ZNF500: variants seen among roughly 807,000 people sequenced by gnomAD.
The protein encoded by ZNF500 is zinc finger protein 500.
ZNF500 carries 31 observed loss-of-function variants against 30.1 expected under a neutral mutation model. The ratio of observed to expected loss-of-function variants is 1.03; its 90% CI spans 0.77 to 1.39. The LOEUF (loss-of-function observed/expected upper bound fraction) is 1.39. Among genes scored for constraint, ZNF500 ranks in the 40% most tolerant of loss-of-function variants. The pLI is 0.00. For missense variants in ZNF500, 817 were observed against 657.8 expected, an observed-to-expected ratio of 1.24 and a Z score of -2.65; for synonymous variants, 392 against 282.0, an observed-to-expected ratio of 1.39 and a Z score of -3.91.
Position 4,752,423 on chromosome 16 carries a change from G to A in ZNF500, c.1396C>T (p.Pro466Ser). ...QRTHMGAGSL[P>S]TLQPVAPGGP... ...CCAGGAGCCACCGGCTGGAGCGTCG[G>A]CAAGGAGCCTGCCCCCATGTGGGTC... The change falls in exon 6 of 6, where the codon CCG (proline) becomes TCG (serine). Residue 466 changes from proline to serine, a missense_variant. Coordinates refer to ENST00000219478, the MANE Select transcript of ZNF500 (RefSeq NM_021646.4). 1 of 1,530,466 alleles carries A rather than the reference G, an allele frequency of 6.5e-7. No individual in the cohort carries two copies. The allele number at this position is 1,530,466 out of a possible 1,614,324, so 94.8% of individuals were successfully genotyped here. A position where few individuals can be genotyped will look rare whatever the true frequency, so the allele number is the denominator to read the frequency against.
chr16:4,755,241 C>T (rs1166917002), intron 5 of ZNF500, among the ~76,000 whole-genome samples: 1 of 152,232 alleles, frequency 6.6e-6, no homozygotes. Flanking sequence ...GTGATCCTCC[C>T]ACCTCAGCCT....
intron 2 of ZNF500, among the ~76,000 whole-genome samples, chr16:4,764,642 C>T (rs554472809): frequency 7.9e-5 from 12 of 151,812 alleles, no homozygotes; most frequent in East Asian, 7.7e-4. Context: ...ATTAGCCGGG[C>T]GTGGTGGTGG....
At chr16:4,746,194 T>C (rs908800875), downstream of ZNF500, 38 of 594,474 alleles carry the variant, frequency 6.4e-5, no homozygotes, top group Non-Finnish European at 1.0e-4. Context: ...TGGCCAGTGG[T>C]GGCCTAAATC....
intron 2 of ZNF500, among the ~76,000 whole-genome samples, chr16:4,764,316 A>T (rs940047918): frequency 7.9e-5 from 12 of 151,776 alleles, no homozygotes; most frequent in African/African-American, 2.7e-4. Context: ...ACTTGAGGCC[A>T]GGAGTTTGAG....
At chr16:4,761,048 C>A (rs1374497069) in intron 4 of ZNF500, among the ~76,000 whole-genome samples, 1 of 152,070 alleles carries the variant, frequency 6.6e-6, no homozygotes, top group Non-Finnish European at 1.5e-5. Context: ...GGCAAATTCA[C>A]AGAGACAAGA....
chr16:4,765,675 GCA>G lies in ZNF500; in HGVS notation c.302_303del (p.Val101AlafsTer18), dbSNP rs773072091. 6.2e-7 allele frequency: 1 copy of G among 1,613,656 alleles called. No homozygotes were observed. On this transcript the variant is annotated frameshift_variant, in exon 2 of 6. Coordinates refer to ENST00000219478, the MANE Select transcript of ZNF500 (RefSeq NM_021646.4). LOFTEE classifies it high-confidence loss of function. ...ELLVLEQFLT[V>X]LPGEIQARVR... The stretch of plus-strand genomic sequence containing the variant: ...ACCCGAGCCTGGATCTCCCCCGGCA[GCA>G]CAGTCAGGAACTGCTCCAGCACCAG...
At chr16:4,763,900 C>G (rs2082234730) in intron 2 of ZNF500, 1 of 985,320 alleles carries the variant, frequency 1.0e-6, no homozygotes, top group African/African-American at 1.7e-5. Flanking sequence ...AGTGTGCAGC[C>G]AGCAGCACTG....
In ZNF500 at chr16:4,752,625, G is replaced by A. The variant is rs1217989419; in HGVS notation, c.1194C>T (p.Ile398=). ...KRFSQSSSLV[I]HRRTHSGERP... ...GCTCCCCGCTGTGTGTCCTGCGGTG[G>A]ATGACCAGGCTGGAGCTCTGGCTGA... The change falls in exon 6 of 6, where the codon ATC becomes ATT. Residue 398 remains isoleucine (I), a synonymous_variant. Transcript: ENST00000219478. 1 of 1,609,264 alleles carries A rather than the reference G, an allele frequency of 6.2e-7. No individual in the cohort carries two copies. Among genetic ancestry groups the A allele is most frequent in the Admixed American group, 1.7e-5 (1 of 58,978 alleles).
At chr16:4,745,117 CTCAG>C (rs2081997954), downstream of ZNF500, 1 of 1,373,932 alleles carries the variant, frequency 7.3e-7, no homozygotes, top group East Asian at 2.4e-5. Context: ...TGTGCATTTT[CTCAG>C]TCACTCTCAA....
At chr16:4,753,581 G>A (rs1369113093) in intron 5 of ZNF500, among the ~76,000 whole-genome samples, 1 of 152,206 alleles carries the variant, frequency 6.6e-6, no homozygotes, top group East Asian at 1.9e-4. Context: ...GCACACAAGT[G>A]TTAAGAAACT....
intron 5 of ZNF500, among the ~76,000 whole-genome samples, chr16:4,758,895 A>G (rs1207749722): frequency 7.2e-6 from 1 of 138,272 alleles, no homozygotes; most frequent in Non-Finnish European, 1.6e-5. Context: ...TGAAAATGCA[A>G]CACACAAAAT....
intron 5 of ZNF500, among the ~76,000 whole-genome samples, chr16:4,755,023 C>G (rs926965806): frequency 5.9e-5 from 9 of 152,226 alleles, no homozygotes; most frequent in African/African-American, 1.9e-4. Flanking sequence ...TGCCTGCTCC[C>G]TCTCTGCTTT....
At position 4,766,012 on chromosome 16, in the gene ZNF500, T is replaced by G; in HGVS notation, c.-34A>C. 1 of 1,517,918 alleles carries G rather than the reference T, an allele frequency of 6.6e-7. No homozygotes were observed. Among genetic ancestry groups the G allele is most frequent in the Non-Finnish European group, 8.8e-7 (1 of 1,140,476 alleles). The allele number at this position is 1,517,918 out of a possible 1,614,324, so 94.0% of individuals were successfully genotyped here. A position where few individuals can be genotyped will look rare whatever the true frequency, so the allele number is the denominator to read the frequency against. ...GTGGGCCTTGTTCCTTTTCAGGCCT[T>G]AGAGTTGAACCTGTCTCTCTCTATA... On this transcript the variant is annotated 5_prime_UTR_variant, in exon 2 of 6. Transcript: ENST00000219478.
At chr16:4,760,341 T>C in intron 5 of ZNF500, 151 bp downstream of exon 5, 1 of 655,398 alleles carries the variant, frequency 1.5e-6, no homozygotes, top group East Asian at 2.9e-5. Context: ...GTGCAGGCCC[T>C]GCAGGTGGGA....
intron 5 of ZNF500, among the ~76,000 whole-genome samples, chr16:4,760,192 C>A (rs114408788): frequency 6.6e-6 from 1 of 152,150 alleles, no homozygotes; most frequent in Non-Finnish European, 1.5e-5. Flanking sequence ...AGAACCAGGT[C>A]CTGTGGGAGC....
chr16:4,757,550 T>C (rs2082149535), intron 5 of ZNF500, among the ~76,000 whole-genome samples: 1 of 152,114 alleles, frequency 6.6e-6, no homozygotes, highest in Non-Finnish European at 1.5e-5. Flanking sequence ...TCCACCCGCC[T>C]TGACCTCTCA....
chr16:4,755,871 C>T (rs2082129849), intron 5 of ZNF500, among the ~76,000 whole-genome samples: 1 of 152,116 alleles, frequency 6.6e-6, no homozygotes, highest in Non-Finnish European at 1.5e-5. Flanking sequence ...TACTATTCAG[C>T]CATGAAAAGG....
chr16:4,763,728 C>T, intron 2 of ZNF500: 2 of 925,750 alleles, frequency 2.2e-6, no homozygotes, highest in South Asian at 1.1e-4. Context: ...TGCCGGGAAC[C>T]CCAAACACTG....
rs2082044880 is a variant in ZNF500, at chr16:4,748,304, G to GC, written c.*4071dup. The GC allele has an allele frequency of 2.0e-5, 3 of 150,542 alleles. No homozygotes were observed. Among genetic ancestry groups the GC allele is most frequent in the South Asian group, 2.1e-4 (1 of 4,742 alleles). The allele number at this position is 150,542 out of a possible 1,614,324, so 9.3% of individuals were successfully genotyped here. A position where few individuals can be genotyped will look rare whatever the true frequency, so the allele number is the denominator to read the frequency against. On this transcript the variant is annotated 3_prime_UTR_variant, in exon 6 of 6. Transcript: ENST00000219478. ...AACTCCTCTCAATCCTCCTGCCTAGGCCTTCCACAGTGCTGGGATTATAGC... is the reference window on the plus strand; with the variant it reads ...AACTCCTCTCAATCCTCCTGCCTAGGCCCTTCCACAGTGCTGGGATTATAGC...
Sources: gnomAD v4.1 joint callset for allele counts (sites outside exome capture counted in the v4.1 genomes callset) on GRCh38, gnomAD v4.1.1 for gene constraint, MANE v1.5 for transcripts, NCBI Gene and HGNC (gene_info 2026-07-23, HGNC 2026-07-21) for gene names.